KCTD14: variants seen among roughly 807,000 people sequenced by gnomAD.
The protein encoded by KCTD14 is potassium channel tetramerization domain containing 14.
KCTD14 carries 7 observed loss-of-function variants against 5.9 expected under a neutral mutation model. That is an observed-to-expected ratio of 1.19 (90% confidence interval 0.68 to 2.23). The LOEUF is 2.23. KCTD14 is among the 30% of genes most tolerant of loss of function. The pLI, the probability that KCTD14 is intolerant of heterozygous loss-of-function variation, is 0.00. For missense variants in KCTD14, 342 were observed against 332.2 expected (o/e 1.03, Z -0.23); for synonymous variants, 140 against 133.1 (o/e 1.05, Z -0.36).
intron 1 of KCTD14, among the ~76,000 whole-genome samples, chr11:78,018,968 A>C (rs1857242098): frequency 6.6e-6 from 1 of 151,956 alleles, no homozygotes; most frequent in African/African-American, 2.4e-5. Context: ...ATAGATTAGA[A>C]GTTCTGGTTA....
chr11:78,024,657 G>A (rs571915329), upstream of KCTD14, among the ~76,000 whole-genome samples: 9 of 151,614 alleles, frequency 5.9e-5, no homozygotes, highest in East Asian at 1.6e-3. Flanking sequence ...CAGAACTAAC[G>A]GAATAGGGTT....
chr11:78,017,811 A>G (rs1335831103), intron 1 of KCTD14, among the ~76,000 whole-genome samples: 1 of 152,110 alleles, frequency 6.6e-6, no homozygotes, highest in African/African-American at 2.4e-5. Context: ...ATGTTATGGG[A>G]GGAGGCCAGG....
At chr11:78,024,708 G>A (rs1180712901), upstream of KCTD14, among the ~76,000 whole-genome samples, 1 of 151,884 alleles carries the variant, frequency 6.6e-6, no homozygotes, top group African/African-American at 2.4e-5. Context: ...CACTTTGGGA[G>A]GCCATGGCAG....
At position 78,017,715 on chromosome 11, in the gene KCTD14, G is replaced by A. The variant is rs937337271; in HGVS notation, c.91-445C>T. On this transcript the variant is annotated intron_variant, in intron 1 of 1. Coordinates refer to ENST00000353172, the MANE Select transcript of KCTD14 (RefSeq NM_023930.4). ...CTGCCTCAGCCTCCCACAGTGCCCGGCCGAGGGTGGGCATTTTAAAGAGGA... is the reference window on the plus strand; with the variant it reads ...CTGCCTCAGCCTCCCACAGTGCCCGACCGAGGGTGGGCATTTTAAAGAGGA... Among the ~76,000 whole-genome samples the A allele has an allele frequency of 2.0e-5, 3 of 152,210 alleles. No homozygotes were observed. The South Asian group carries it at 6.2e-4, about 32-fold the overall frequency.
At chr11:78,025,118 GTATATATATATATATATATATATATA>G (rs369374652), upstream of KCTD14, among the ~76,000 whole-genome samples, 32 of 44,484 alleles carry the variant, frequency 7.2e-4, 1 homozygote, top group African/African-American at 2.2e-3. Context: ...GTGTGTGTGT[GTATATATATATATATATATATATATA>G]TATATATATA....
intron 2 of KCTD14, among the ~76,000 whole-genome samples, chr11:78,036,444 C>T (rs1430469882): frequency 1.3e-5 from 2 of 152,144 alleles, no homozygotes; most frequent in East Asian, 3.9e-4. Context: ...TATTTTTAGC[C>T]ACATTTCACA....
intron 1 of KCTD14, among the ~76,000 whole-genome samples, chr11:78,017,547 C>A (rs1356212901): frequency 6.6e-6 from 1 of 150,896 alleles, no homozygotes; most frequent in Non-Finnish European, 1.5e-5. Flanking sequence ...TCGATTAAAG[C>A]AACTCTCCTG....
chr11:78,027,086 G>A (rs531320419), upstream of KCTD14, among the ~76,000 whole-genome samples: 17 of 151,952 alleles, frequency 1.1e-4, no homozygotes, highest in South Asian at 2.1e-4. Flanking sequence ...GCAACAGAGC[G>A]AGAATCCGTC....
At chr11:78,041,352 G>A (rs559094699) in intron 1 of KCTD14, among the ~76,000 whole-genome samples, 3 of 152,278 alleles carry the variant, frequency 2.0e-5, no homozygotes, top group South Asian at 4.2e-4. Flanking sequence ...TTCCTAGGCC[G>A]ACTAAGAATC....
chr11:78,023,518 CT>C (rs113012783), upstream of KCTD14: 30,834 of 349,146 alleles, frequency 0.088, no homozygotes, highest in South Asian at 0.16. Context: ...TTCTTTCTTT[CT>C]TTTTTTTTTT....
chr11:78,024,806 G>A (rs564685801), upstream of KCTD14, among the ~76,000 whole-genome samples: 5 of 151,718 alleles, frequency 3.3e-5, no homozygotes, highest in East Asian at 3.9e-4. Context: ...TTAGCTGGGC[G>A]TGGTGGTGGG....
At chr11:78,023,934 G>T (rs1857373893), upstream of KCTD14, among the ~76,000 whole-genome samples, 1 of 152,082 alleles carries the variant, frequency 6.6e-6, no homozygotes, top group South Asian at 2.1e-4. Flanking sequence ...GTAGGGTGGT[G>T]TTAAAATGTA....
At chr11:78,023,277 C>A, upstream of KCTD14, 1 of 1,603,854 alleles carries the variant, frequency 6.2e-7, no homozygotes, top group Non-Finnish European at 8.5e-7. Context: ...GCGGAAGTGC[C>A]CCTGGCTGCC....
At chr11:78,033,200 G>A (rs1364817843) in intron 2 of KCTD14, among the ~76,000 whole-genome samples, 1 of 152,228 alleles carries the variant, frequency 6.6e-6, no homozygotes, top group Non-Finnish European at 1.5e-5. Flanking sequence ...GAGCACACAT[G>A]TGCAAAGACA....
chr11:78,039,609 G>GA lies in KCTD14; in HGVS notation c.-95-852dup, dbSNP rs550531395. Among the ~76,000 whole-genome samples the GA allele has an allele frequency of 6.4e-4, 96 of 150,324 alleles. No homozygotes were observed. In the East Asian group the frequency reaches 9.3e-3, roughly 15 times the overall value. ...ATGGTGAAACTTTGTCTCTACAAAA[G>GA]AAAAAAAAATAGCTAGGCATGTTGA... On this transcript the variant is annotated intron_variant, in intron 1 of 2. Transcript: ENST00000533144.
intron 2 of KCTD14, among the ~76,000 whole-genome samples, chr11:78,028,982 C>T (rs987456874): frequency 2.6e-5 from 4 of 151,870 alleles, no homozygotes; most frequent in Admixed American, 2.6e-4. Flanking sequence ...GTCAGGAGTT[C>T]GAGACCAGCC....
rs551007126 is a variant in KCTD14, at chr11:78,019,376, T to G, written c.91-2106A>C. On this transcript the variant is annotated intron_variant, in intron 1 of 1. Transcript: ENST00000353172. ...GTTGTTGCCCAGACTGGGTGTGCAGTGGCATGATCATAACTCACTGCAGCC... is the reference window on the plus strand; with the variant it reads ...GTTGTTGCCCAGACTGGGTGTGCAGGGGCATGATCATAACTCACTGCAGCC... Among the ~76,000 whole-genome samples, 13 of 152,102 alleles carry G rather than the reference T, an allele frequency of 8.5e-5. No homozygotes were observed. In the South Asian group the frequency reaches 2.7e-3, roughly 32 times the overall value.
At chr11:78,036,795 A>G (rs4945243) in intron 2 of KCTD14, among the ~76,000 whole-genome samples, 147,965 of 152,346 alleles carry the variant, frequency 0.97, 71,868 homozygotes, top group East Asian at 1. Flanking sequence ...CACATCTGTG[A>G]TTTTGTTCAC....
chr11:78,028,571 C>A (rs1315236363), intron 2 of KCTD14, among the ~76,000 whole-genome samples: 1 of 148,754 alleles, frequency 6.7e-6, no homozygotes, highest in Non-Finnish European at 1.5e-5. Context: ...CCACTGCATT[C>A]CAGCTTTGGC....
Sources: allele counts gnomAD v4.1 joint callset (sites outside exome capture counted in the v4.1 genomes callset), GRCh38; gene constraint gnomAD v4.1.1; transcripts MANE v1.5; gene names NCBI Gene and HGNC (gene_info 2026-07-23, HGNC 2026-07-21).